The following PAPSS1 variants were observed in gnomAD, a reference collection of about 807,000 sequenced individuals.
PAPSS1 encodes the protein bifunctional 3'-phosphoadenosine 5'-phosphosulfate synthase 1.
A neutral mutation model predicts 72.0 loss-of-function variants in PAPSS1; 50 were observed. The ratio of observed to expected loss-of-function variants is 0.69; its 90% CI spans 0.55 to 0.88. The LOEUF is 0.88. Among genes scored for constraint, PAPSS1 ranks in the 40% least tolerant of loss-of-function variants. The pLI, the probability that PAPSS1 is intolerant of heterozygous loss-of-function variation, is 0.00. For synonymous variants in PAPSS1, 261 were observed against 263.6 expected, an observed-to-expected ratio of 0.99 and a Z score of 0.09; for missense variants, 657 against 782.2, an observed-to-expected ratio of 0.84 and a Z score of 1.91.
intron 3 of PAPSS1, among the ~76,000 whole-genome samples, chr4:107,689,462 G>A (rs1312506520): frequency 6.6e-6 from 1 of 152,114 alleles, no homozygotes; most frequent in Admixed American, 6.5e-5. Flanking sequence ...GCATGCTCAG[G>A]CTGATGAGGC....
intron 7 of PAPSS1, among the ~76,000 whole-genome samples, chr4:107,656,685 T>C (rs1017484166): frequency 6.6e-6 from 1 of 152,144 alleles, no homozygotes; most frequent in Non-Finnish European, 1.5e-5. Flanking sequence ...TCCCTCTCTC[T>C]TTGCAATAAA....
intron 1 of PAPSS1, among the ~76,000 whole-genome samples, chr4:107,714,338 A>T (rs7658286): frequency 0.48 from 73,680 of 151,998 alleles, 19,594 homozygotes; most frequent in South Asian, 0.65. Context: ...TCTCTCCCCT[A>T]CGGCAAAACT....
intron 5 of PAPSS1, among the ~76,000 whole-genome samples, chr4:107,669,531 C>T (rs2110328863): frequency 6.6e-6 from 1 of 152,270 alleles, no homozygotes; most frequent in Non-Finnish European, 1.5e-5. Context: ...ATGTTTATTG[C>T]TTAATTCACT....
At chr4:107,669,179 G>T (rs1310747992) in intron 5 of PAPSS1, among the ~76,000 whole-genome samples, 1 of 152,198 alleles carries the variant, frequency 6.6e-6, no homozygotes, top group East Asian at 1.9e-4. Flanking sequence ...GATATGAAAA[G>T]TACACATTAT....
intron 11 of PAPSS1, among the ~76,000 whole-genome samples, chr4:107,628,797 C>A (rs570789293): frequency 6.6e-6 from 1 of 152,284 alleles, no homozygotes; most frequent in South Asian, 2.1e-4. Context: ...GAGGGAATCA[C>A]CCTGTCCACT....
intron 4 of PAPSS1, 32 bp downstream of exon 4, chr4:107,687,007 C>A (rs773020714): frequency 6.3e-7 from 1 of 1,584,958 alleles, no homozygotes; most frequent in South Asian, 1.2e-5. Flanking sequence ...AATATCTAAG[C>A]AAAGTGAAAC....
At chr4:107,637,661 T>C (rs867483211) in intron 10 of PAPSS1, among the ~76,000 whole-genome samples, 3 of 152,360 alleles carry the variant, frequency 2.0e-5, no homozygotes, top group Middle Eastern at 3.4e-3. Flanking sequence ...TATTTAAGTG[T>C]AATAAATTTT....
intron 11 of PAPSS1, among the ~76,000 whole-genome samples, chr4:107,627,792 C>T (rs1726136202): frequency 1.3e-5 from 2 of 151,820 alleles, no homozygotes; most frequent in African/African-American, 4.8e-5. Flanking sequence ...AGAAAAAATC[C>T]TTTTATAACT....
intron 1 of PAPSS1, among the ~76,000 whole-genome samples, chr4:107,709,344 CA>C (rs1243526706): frequency 6.6e-6 from 1 of 152,212 alleles, no homozygotes; most frequent in Non-Finnish European, 1.5e-5. Flanking sequence ...AACCAACCTC[CA>C]TCTTGCCTTT....
At chr4:107,633,650 T>C (rs960211176) in intron 10 of PAPSS1, among the ~76,000 whole-genome samples, 3 of 152,248 alleles carry the variant, frequency 2.0e-5, no homozygotes, top group South Asian at 2.1e-4. Context: ...CTGGGCACAG[T>C]GGCTCATGCC....
intron 2 of PAPSS1, among the ~76,000 whole-genome samples, chr4:107,695,778 A>G (rs1723050088): frequency 6.6e-6 from 1 of 152,126 alleles, no homozygotes; most frequent in South Asian, 2.1e-4. Flanking sequence ...TGTTTATGTG[A>G]TGGATTACAT....
chr4:107,644,939 A>C lies in PAPSS1; in HGVS notation c.1369T>G (p.Trp457Gly). 6.2e-7 allele frequency: 1 copy of C among 1,614,066 alleles called. No individual in the cohort carries two copies. The highest frequency in any genetic ancestry group is 8.5e-7 in the Non-Finnish European group (1 of 1,179,944). The change falls in exon 10 of 12, where the codon TGG becomes GGG. Residue 457 changes from tryptophan (W) to glycine (G), a missense_variant. Physicochemically the swap from Trp to Gly is radical, Grantham distance 184. Around this residue, in one of 7 missense-constraint regions of PAPSS1, gnomAD observed 166 missense variants for 228.3 expected, o/e 0.73. Transcript: ENST00000265174. The stretch of plus-strand genomic sequence containing the variant: ...AAAGGAACATCGTCATCCTTTGTCC[A>C]GCCACCCAGAGGGTGGAGGAGGAGG... ...PVLLLHPLGGWTKDDDVPLMW... is the reference protein window; with the variant it reads ...PVLLLHPLGGGTKDDDVPLMW...
At chr4:107,712,457 A>G (rs1376539713) in intron 1 of PAPSS1, among the ~76,000 whole-genome samples, 1 of 152,224 alleles carries the variant, frequency 6.6e-6, no homozygotes, top group African/African-American at 2.4e-5. Flanking sequence ...GTCCACCTCA[A>G]AGGTTGAAAT....
intron 10 of PAPSS1, among the ~76,000 whole-genome samples, chr4:107,643,650 C>T (rs139592721): frequency 8.2e-4 from 125 of 152,086 alleles, no homozygotes; most frequent in African/African-American, 2.5e-3. Context: ...TGTGAGGGTA[C>T]CGATGACTCC....
intron 1 of PAPSS1, among the ~76,000 whole-genome samples, chr4:107,716,326 G>A (rs917012128): frequency 6.6e-6 from 1 of 152,232 alleles, no homozygotes; most frequent in African/African-American, 2.4e-5. Context: ...CTGACAAAGG[G>A]TAACAGGCAT....
At chr4:107,675,118 A>G (rs1262181358) in intron 5 of PAPSS1, among the ~76,000 whole-genome samples, 1 of 152,206 alleles carries the variant, frequency 6.6e-6, no homozygotes, top group Non-Finnish European at 1.5e-5. Flanking sequence ...ATCGCAATTA[A>G]AAGAACTAGA....
chr4:107,654,715 T>C lies in PAPSS1; in HGVS notation c.1081A>G (p.Lys361Glu). ...RCARQWGTTC[K>E]NHPYIKMVME... is the part of the protein sequence containing the mutation. Reference sequence around the variant, plus strand: ...AGCACCTTAATATAGGGGTGGTTCTTGCATGTCGTTCCCCACTGTCTGGCA... The same window carrying C: ...AGCACCTTAATATAGGGGTGGTTCTCGCATGTCGTTCCCCACTGTCTGGCA... The change falls in exon 8 of 12, where the codon AAG (lysine) becomes GAG (glutamate). Residue 361 changes from lysine to glutamate, a missense_variant. Lys to Glu is a moderately conservative substitution (Grantham distance 56, BLOSUM62 1). Transcript: ENST00000265174. 1.2e-6 allele frequency: 2 copies of C among 1,613,046 alleles called. No individual in the cohort carries two copies. Among genetic ancestry groups the C allele is most frequent in the Non-Finnish European group, 1.7e-6 (2 of 1,179,784 alleles).
intron 4 of PAPSS1, among the ~76,000 whole-genome samples, chr4:107,683,889 T>C (rs1343267099): frequency 6.6e-6 from 1 of 152,102 alleles, no homozygotes; most frequent in Non-Finnish European, 1.5e-5. Flanking sequence ...AAGTAAAAGC[T>C]TTTTAAAAAA....
Position 107,614,057 on chromosome 4 carries a change from A to C in PAPSS1, c.*192T>G, listed in dbSNP as rs1217674224. 9.3e-6 allele frequency: 4 copies of C among 430,216 alleles called. No homozygotes were observed. The highest frequency in any genetic ancestry group is 1.6e-5 in the Non-Finnish European group (4 of 242,526). The allele number at this position is 430,216 out of a possible 1,614,324, so 26.6% of individuals were successfully genotyped here. On this transcript the variant is annotated 3_prime_UTR_variant, in exon 12 of 12. Coordinates refer to ENST00000265174, the MANE Select transcript of PAPSS1 (RefSeq NM_005443.5). Reference sequence around the variant, plus strand: ...CTATAATAAGTGGAAAAGATACATTAAAACCATCAGTGTGTTACACTTGTT... The same window carrying C: ...CTATAATAAGTGGAAAAGATACATTCAAACCATCAGTGTGTTACACTTGTT...
Sources: gnomAD v4.1 joint callset for allele counts (sites outside exome capture counted in the v4.1 genomes callset) on GRCh38, gnomAD v4.1.1 for gene constraint, gnomAD v4.1.1 regional missense constraint, MANE v1.5 for transcripts, NCBI Gene and HGNC (gene_info 2026-07-23, HGNC 2026-07-21) for gene names.